Variants in SYNPR observed in about 807,000 individuals in gnomAD.
SYNPR encodes the protein synaptoporin.
Under a neutral mutation model 32.9 loss-of-function variants are expected in SYNPR, and 23 were observed. That is an observed-to-expected ratio of 0.70 (90% CI 0.50 to 0.99). SYNPR has a LOEUF of 0.99. Among genes scored for constraint, SYNPR ranks in the 50% least tolerant of loss-of-function variants. SYNPR has a pLI of 0.00. For missense variants in SYNPR, 318 were observed against 349.3 expected, an observed-to-expected ratio of 0.91 and a Z score of 0.71; for synonymous variants, 146 against 135.9, an observed-to-expected ratio of 1.07 and a Z score of -0.52.
At chr3:63,250,616 T>G (rs1457739180) in intron 1 of SYNPR, among the ~76,000 whole-genome samples, 1 of 152,162 alleles carries the variant, frequency 6.6e-6, no homozygotes, top group Non-Finnish European at 1.5e-5. Context: ...TTTTGGTGTA[T>G]TTTACACAAA....
chr3:63,234,491 G>C (rs2086187781), intron 1 of SYNPR, among the ~76,000 whole-genome samples: 1 of 152,086 alleles, frequency 6.6e-6, no homozygotes, highest in East Asian at 1.9e-4. Flanking sequence ...CATTGTTTTG[G>C]GGTCAAGATG....
At chr3:63,229,477 G>A (rs931872897) in intron 1 of SYNPR, among the ~76,000 whole-genome samples, 1 of 152,072 alleles carries the variant, frequency 6.6e-6, no homozygotes, top group Non-Finnish European at 1.5e-5. Flanking sequence ...TGAAACAAGG[G>A]AGCTAATTAT....
intron 2 of SYNPR, among the ~76,000 whole-genome samples, chr3:63,422,897 T>A (rs779710357): frequency 1.3e-5 from 2 of 152,074 alleles, no homozygotes; most frequent in Non-Finnish European, 2.9e-5. Flanking sequence ...ACAACTTAAA[T>A]GTCCATCATT....
chr3:63,323,383 T>C (rs1481030238), intron 2 of SYNPR, among the ~76,000 whole-genome samples: 1 of 152,086 alleles, frequency 6.6e-6, no homozygotes, highest in Non-Finnish European at 1.5e-5. Flanking sequence ...GAGGGAAAAC[T>C]GGATGAAATT....
intron 2 of SYNPR, among the ~76,000 whole-genome samples, chr3:63,470,567 T>G (rs1451337539): frequency 3.9e-5 from 6 of 152,206 alleles, no homozygotes; most frequent in Non-Finnish European, 8.8e-5. Flanking sequence ...GACTGGATCT[T>G]GCATGGGCTT....
At chr3:63,408,208 G>T (rs1472912908) in intron 2 of SYNPR, among the ~76,000 whole-genome samples, 2 of 68,082 alleles carry the variant, frequency 2.9e-5, no homozygotes, top group Non-Finnish European at 5.4e-5. Flanking sequence ...AAGGAAGGAA[G>T]GAAGGAAGGA....
At chr3:63,497,905 A>T (rs898428896) in intron 3 of SYNPR, among the ~76,000 whole-genome samples, 1 of 152,040 alleles carries the variant, frequency 6.6e-6, no homozygotes, top group African/African-American at 2.4e-5. Context: ...AATCACTTCA[A>T]TTTTCAACCA....
chr3:63,381,586 A>T (rs1330503426), intron 2 of SYNPR, among the ~76,000 whole-genome samples: 1 of 152,198 alleles, frequency 6.6e-6, no homozygotes, highest in African/African-American at 2.4e-5. Context: ...ACATGCCTAC[A>T]TTTTTATAGC....
At chr3:63,491,607 A>G (rs1701258366) in intron 3 of SYNPR, among the ~76,000 whole-genome samples, 1 of 151,890 alleles carries the variant, frequency 6.6e-6, no homozygotes, top group South Asian at 2.1e-4. Flanking sequence ...TGCAATCTCC[A>G]CCTCCTGGGT....
In SYNPR at chr3:63,595,842, TA is replaced by T. The variant is rs1396987439; in HGVS notation, c.409-13282del. Among the ~76,000 whole-genome samples, 4 of 78,078 alleles carry T rather than the reference TA, an allele frequency of 5.1e-5. No individual in the cohort carries two copies. The East Asian group carries it at 1.6e-3, about 31-fold the overall frequency. The allele number at this position is 78,078 out of a possible 152,430, so 51.2% of individuals were successfully genotyped here. On this transcript the variant is annotated intron_variant, in intron 4 of 5. Transcript: ENST00000478300. ...TTTTATATATATATAGTTATATATA[TA>T]GTTTTATATATATATAGTTATATAT...
chr3:63,479,903 A>G (rs766137797), intron 2 of SYNPR, among the ~76,000 whole-genome samples: 53 of 152,192 alleles, frequency 3.5e-4, no homozygotes, highest in Non-Finnish European at 6.5e-4. Context: ...TCCAGTAGTG[A>G]CCCCAAACTA....
intron 2 of SYNPR, among the ~76,000 whole-genome samples, chr3:63,292,632 A>T (rs1190811529): frequency 6.6e-6 from 1 of 152,230 alleles, no homozygotes; most frequent in Non-Finnish European, 1.5e-5. Context: ...ATTAAATAAC[A>T]TTCGCAAAGA....
intron 5 of SYNPR, among the ~76,000 whole-genome samples, chr3:63,610,103 C>A (rs1341917866): frequency 2.0e-5 from 3 of 152,124 alleles, no homozygotes; most frequent in Non-Finnish European, 4.4e-5. Flanking sequence ...TAAAAAAGTA[C>A]TTATAATAGC....
chr3:63,409,881 C>T (rs1438696995), intron 2 of SYNPR, among the ~76,000 whole-genome samples: 3 of 152,122 alleles, frequency 2.0e-5, no homozygotes, highest in African/African-American at 7.2e-5. Context: ...AAGTGACAGA[C>T]GTCACATCAG....
At chr3:63,594,240 T>A (rs936810093) in intron 4 of SYNPR, among the ~76,000 whole-genome samples, 2 of 152,128 alleles carry the variant, frequency 1.3e-5, no homozygotes, top group Non-Finnish European at 2.9e-5. Flanking sequence ...CTTTGGAGCT[T>A]AGCAAACCTA....
chr3:63,359,429 G>A (rs1031300934), intron 2 of SYNPR, among the ~76,000 whole-genome samples: 2 of 152,178 alleles, frequency 1.3e-5, no homozygotes, highest in African/African-American at 4.8e-5. Context: ...TTGCAACAAA[G>A]GCTCAGTGTA....
At chr3:63,359,371 C>T (rs147402561) in intron 2 of SYNPR, among the ~76,000 whole-genome samples, 41 of 152,342 alleles carry the variant, frequency 2.7e-4, no homozygotes, top group Non-Finnish European at 5.1e-4. Context: ...ATCAACCCAA[C>T]CACACTACCG....
intron 2 of SYNPR, among the ~76,000 whole-genome samples, chr3:63,446,331 G>C (rs1302737150): frequency 6.6e-6 from 1 of 150,820 alleles, no homozygotes; most frequent in Non-Finnish European, 1.5e-5. Context: ...AAAGGGCTGA[G>C]GTAGCACTTC....
chr3:63,428,512 C>T (rs1222270184), intron 2 of SYNPR, among the ~76,000 whole-genome samples: 2 of 152,208 alleles, frequency 1.3e-5, no homozygotes, highest in Non-Finnish European at 2.9e-5. Context: ...ACTATTGCTG[C>T]ATAATAAATC....
Sources: gnomAD v4.1 joint callset for allele counts (sites outside exome capture counted in the v4.1 genomes callset) on GRCh38, gnomAD v4.1.1 for gene constraint, MANE v1.5 for transcripts, NCBI Gene and HGNC (gene_info 2026-07-23, HGNC 2026-07-21) for gene names.